Variants in TSC22D2 observed in about 807,000 individuals in gnomAD.
TSC22D2 encodes the protein TSC22 domain family member 2, also known as TSC22 domain family protein 2.
Under a neutral mutation model 50.1 loss-of-function variants are expected in TSC22D2, and 5 were observed. That is an observed-to-expected ratio of 0.10 (90% CI 0.05 to 0.21). TSC22D2 has a LOEUF of 0.21. Among genes scored for constraint, TSC22D2 ranks in the 10% least tolerant of loss-of-function variants. The probability of loss-of-function intolerance (pLI) is 1.00; values close to 1 mark genes in which losing one functional copy is unlikely to be tolerated. For missense variants in TSC22D2, 1,003 were observed against 1,015.5 expected, an observed-to-expected ratio of 0.99 and a Z score of 0.17; for synonymous variants, 501 against 450.1, an observed-to-expected ratio of 1.11 and a Z score of -1.43.
intron 1 of TSC22D2, among the ~76,000 whole-genome samples, chr3:150,436,388 A>G (rs565975763): frequency 6.6e-6 from 1 of 151,598 alleles, no homozygotes; most frequent in South Asian, 2.2e-4. Context: ...CTTTAACAAA[A>G]GGTCAAGCAG....
intron 1 of TSC22D2, among the ~76,000 whole-genome samples, chr3:150,434,152 G>GT (rs75231849): frequency 1.9e-3 from 263 of 135,446 alleles, no homozygotes; most frequent in Middle Eastern, 0.015. Context: ...AGGGTTTTTT[G>GT]TTTTTTTTTT....
At chr3:150,418,731 T>G (rs1314190159) in intron 1 of TSC22D2, among the ~76,000 whole-genome samples, 1 of 151,994 alleles carries the variant, frequency 6.6e-6, no homozygotes, top group Non-Finnish European at 1.5e-5. Context: ...ACTTTAAATG[T>G]CATGGTAAGA....
intron 1 of TSC22D2, among the ~76,000 whole-genome samples, chr3:150,414,543 C>T (rs1719727484): frequency 6.6e-6 from 1 of 152,112 alleles, no homozygotes; most frequent in Admixed American, 6.5e-5. Flanking sequence ...CTGTTGAAAA[C>T]CTGATTCTAA....
At chr3:150,431,026 T>G (rs1251549938) in intron 1 of TSC22D2, among the ~76,000 whole-genome samples, 4 of 151,772 alleles carry the variant, frequency 2.6e-5, no homozygotes, top group Non-Finnish European at 5.9e-5. Flanking sequence ...ACATATTATT[T>G]TAGGAACCAC....
At position 150,458,691 on chromosome 3, in the gene TSC22D2, C is replaced by T; in HGVS notation, c.*55C>T. The T allele has an allele frequency of 6.3e-7, 1 of 1,590,652 alleles. No homozygotes were observed. The highest frequency in any genetic ancestry group is 8.6e-7 in the Non-Finnish European group (1 of 1,168,778). Reference sequence around the variant, plus strand: ...CTGAAAGCAATCTATCCTTGTGTGCCACTGGTGTTCTTTCCACTTTATACG... The same window carrying T: ...CTGAAAGCAATCTATCCTTGTGTGCTACTGGTGTTCTTTCCACTTTATACG... On this transcript the variant is annotated 3_prime_UTR_variant, in exon 3 of 3. Coordinates refer to ENST00000688009, the MANE Select transcript of TSC22D2 (RefSeq NM_001303264.2).
At chr3:150,419,305 C>G (rs539181430) in intron 1 of TSC22D2, among the ~76,000 whole-genome samples, 1 of 151,996 alleles carries the variant, frequency 6.6e-6, no homozygotes, top group African/African-American at 2.4e-5. Context: ...TTTGAATATT[C>G]CCAGAGTTAG....
chr3:150,409,446 C>T lies in TSC22D2; in HGVS notation c.96C>T (p.Ser32=). ...VATSITEDTE[S]LDDPDESRTE... is the part of the protein sequence containing the mutation. ...CTAGCATCACCGAGGACACCGAGAGCTTGGACGACCCGGACGAGTCACGCA... is the reference window on the plus strand; with the variant it reads ...CTAGCATCACCGAGGACACCGAGAGTTTGGACGACCCGGACGAGTCACGCA... The change falls in exon 1 of 3, where the codon AGC becomes AGT. Residue 32 remains serine, a synonymous_variant. Transcript: ENST00000688009. The surrounding 1 kb of genome is among the most constrained non-coding windows in gnomAD (Gnocchi z 7.4). The T allele has an allele frequency of 3.1e-6, 5 of 1,613,614 alleles. No homozygotes were observed. The highest frequency in any genetic ancestry group is 4.2e-6 in the Non-Finnish European group (5 of 1,179,908).
chr3:150,411,176 T>C lies in TSC22D2; in HGVS notation c.1826T>C (p.Ile609Thr). 6.2e-7 allele frequency: 1 copy of C among 1,614,182 alleles called. No homozygotes were observed. Among genetic ancestry groups the C allele is most frequent in the Non-Finnish European group, 8.5e-7 (1 of 1,180,032 alleles). Residue 609 changes from isoleucine (I) to threonine (T), a missense_variant, in exon 1 of 3, where the codon ATT becomes ACT. This residue lies in a region of TSC22D2 where 696 missense variants were observed against 647.8 expected (regional missense o/e 1.07). Transcript: ENST00000688009. The part of the protein sequence containing the change: ...EPLPQPPLSL[I>T]AENKPVVKPP... ...CTACCTCAACCACCACTTTCTCTCA[T>C]TGCTGAAAATAAGCCTGTTGTGAAG...
intron 1 of TSC22D2, among the ~76,000 whole-genome samples, chr3:150,426,814 T>A (rs1042655590): frequency 6.6e-6 from 1 of 152,158 alleles, no homozygotes; most frequent in Admixed American, 6.5e-5. Flanking sequence ...TCCTAAATTT[T>A]TTTACTAGAT....
Position 150,409,441 on chromosome 3 carries a change from G to A in TSC22D2, c.91G>A (p.Glu31Lys). ...QVATSITEDT[E>K]SLDDPDESRT... ...GGCCACTAGCATCACCGAGGACACC[G>A]AGAGCTTGGACGACCCGGACGAGTC... Residue 31 changes from glutamate (E) to lysine (K), a missense_variant, in exon 1 of 3, where the codon GAG becomes AAG. This residue lies in a region of TSC22D2 where 200 missense variants were observed against 182.8 expected (regional missense o/e 1.09). Transcript: ENST00000688009. This position sits in a 1 kb window ranked among gnomAD's most constrained non-coding sequence, Gnocchi z 7.4. 6.2e-7 allele frequency: 1 copy of A among 1,613,610 alleles called. No homozygotes were observed. The highest frequency in any genetic ancestry group is 8.5e-7 in the Non-Finnish European group (1 of 1,179,894).
Position 150,465,913 on chromosome 3 carries a change from G to T in TSC22D2, c.*7277G>T, listed in dbSNP as rs1363120397. On this transcript the variant is annotated 3_prime_UTR_variant, in exon 3 of 3. Coordinates refer to ENST00000688009, the MANE Select transcript of TSC22D2 (RefSeq NM_001303264.2). ...CATAAAAAAACATAGTACATAGAGGGTTTGGTATTATTCATGGTTTCAGGC... is the reference window on the plus strand; with the variant it reads ...CATAAAAAAACATAGTACATAGAGGTTTTGGTATTATTCATGGTTTCAGGC... 1 of 152,010 alleles carries T rather than the reference G, an allele frequency of 6.6e-6. No homozygotes were observed. The highest frequency in any genetic ancestry group is 1.5e-5 in the Non-Finnish European group (1 of 68,018). The allele number at this position is 152,010 out of a possible 1,614,324, so 9.4% of individuals were successfully genotyped here.
intron 1 of TSC22D2, among the ~76,000 whole-genome samples, chr3:150,434,913 C>G (rs1267630104): frequency 1.3e-5 from 2 of 152,006 alleles, no homozygotes; most frequent in Admixed American, 6.6e-5. Context: ...TATATCTTGG[C>G]TCAACCACAG....
At chr3:150,456,610 C>CTAAG (rs1431139983) in intron 1 of TSC22D2, among the ~76,000 whole-genome samples, 1 of 135,724 alleles carries the variant, frequency 7.4e-6, no homozygotes, top group Non-Finnish European at 1.6e-5. Flanking sequence ...AAAAGTCTTA[C>CTAAG]TAAGAGGAGG....
rs3220532 is a variant in TSC22D2 at position 150,466,191 on chromosome 3, TCACACA to T, written c.*7586_*7591del. 15,525 of 146,014 alleles carry T rather than the reference TCACACA, an allele frequency of 0.11. 1,071 individuals are homozygous for T. The highest frequency in any genetic ancestry group is 0.33 in the East Asian group (1,626 of 4,978). 9.0% of individuals were successfully genotyped at this position (146,014 alleles called of 1,614,324 possible). ...ATGATACTAGTGATGTTAAATCACA[TCACACA>T]CACACACACACACACACACACACAC... On this transcript the variant is annotated 3_prime_UTR_variant, in exon 3 of 3. Coordinates refer to ENST00000688009, the MANE Select transcript of TSC22D2 (RefSeq NM_001303264.2).
At chr3:150,449,765 A>C (rs1048844721) in intron 1 of TSC22D2, among the ~76,000 whole-genome samples, 1 of 152,096 alleles carries the variant, frequency 6.6e-6, no homozygotes, top group Non-Finnish European at 1.5e-5. Context: ...TGAATAATTA[A>C]GGGGAGGTCG....
intron 1 of TSC22D2, among the ~76,000 whole-genome samples, chr3:150,440,449 G>A (rs1720679773): frequency 6.9e-6 from 1 of 144,272 alleles, no homozygotes; most frequent in Non-Finnish European, 1.5e-5. Context: ...GCAAATATAT[G>A]TGTATTTTTT....
chr3:150,465,012 T>C lies in TSC22D2; in HGVS notation c.*6376T>C, dbSNP rs1010169042. 3.9e-5 allele frequency: 6 copies of C among 152,172 alleles called. No individual in the cohort carries two copies. Among genetic ancestry groups the C allele is most frequent in the Admixed American group, 2.0e-4 (3 of 15,274 alleles). 9.4% of individuals were successfully genotyped at this position (152,172 alleles called of 1,614,324 possible). A position where few individuals can be genotyped will look rare whatever the true frequency, so the allele number is the denominator to read the frequency against. On this transcript the variant is annotated 3_prime_UTR_variant, in exon 3 of 3. Transcript: ENST00000688009. ...AGTTAAGAATAACTCAGGTGACTGA[T>C]ACCAAAAATAAATCTCTAATACAGC... is the stretch of plus-strand genomic sequence containing the variant.
intron 1 of TSC22D2, among the ~76,000 whole-genome samples, chr3:150,412,601 C>CT (rs1719633529): frequency 6.6e-6 from 1 of 152,112 alleles, no homozygotes. Flanking sequence ...TAAAGTTCAT[C>CT]TTTTTTTGTA....
chr3:150,415,166 C>T (rs1719754791), intron 1 of TSC22D2, among the ~76,000 whole-genome samples: 1 of 152,004 alleles, frequency 6.6e-6, no homozygotes, highest in Non-Finnish European at 1.5e-5. Flanking sequence ...TGACAGATTT[C>T]CAAAAAGGCT....
Sources: gnomAD v4.1 joint callset for allele counts (sites outside exome capture counted in the v4.1 genomes callset) on GRCh38, gnomAD v4.1.1 for gene constraint, gnomAD v4.1.1 regional missense constraint, Gnocchi (gnomAD v3.1) non-coding constraint, MANE v1.5 for transcripts, NCBI Gene and HGNC (gene_info 2026-07-23, HGNC 2026-07-21) for gene names.